MALRD1: variants seen among roughly 807,000 people sequenced by gnomAD.
The protein encoded by MALRD1 is MAM and LDL-receptor class A domain-containing protein 1.
MALRD1 carries 247 observed loss-of-function variants against 242.1 expected under a neutral mutation model. That is an observed-to-expected ratio of 1.02 (90% CI 0.92 to 1.13). The LOEUF is 1.13. Ranked by LOEUF, MALRD1 falls within the 50% of genes most tolerant of loss-of-function variation. The probability of loss-of-function intolerance (pLI) is 0.00; values close to 1 mark genes in which losing one functional copy is unlikely to be tolerated. For missense variants in MALRD1, 2,989 were observed against 2,533.1 expected, an observed-to-expected ratio of 1.18 and a Z score of -3.86; for synonymous variants, 995 against 866.6, an observed-to-expected ratio of 1.15 and a Z score of -2.60.
chr10:19,594,242 T>A (rs1179145905), intron 33 of MALRD1, among the ~76,000 whole-genome samples: 2 of 152,226 alleles, frequency 1.3e-5, no homozygotes, highest in Non-Finnish European at 2.9e-5. Context: ...TAAAAATTTC[T>A]TCTTTAATTT....
rs184666983 is a variant in MALRD1 at position 19,312,450 on chromosome 10, A to G, written c.3420-11499A>G. Reference sequence around the variant, plus strand: ...TGTGAGAGAGAGAGAGAGTTTGTGTATATGTATATGTATAATGGCACAGAG... The same window carrying G: ...TGTGAGAGAGAGAGAGAGTTTGTGTGTATGTATATGTATAATGGCACAGAG... On this transcript the variant is annotated intron_variant, in intron 21 of 39. Transcript: ENST00000454679. Among the ~76,000 whole-genome samples the G allele has an allele frequency of 2.7e-3, 405 of 148,450 alleles. 1 individual carries two copies. Among genetic ancestry groups the G allele is most frequent in the African/African-American group, 9.6e-3 (389 of 40,642 alleles).
chr10:19,504,731 G>A (rs973517500), intron 31 of MALRD1, among the ~76,000 whole-genome samples: 9 of 135,074 alleles, frequency 6.7e-5, no homozygotes, highest in South Asian at 4.7e-4. Flanking sequence ...GCCGGACTGC[G>A]GACTGCAGTG....
At chr10:19,650,239 A>G (rs946014542) in intron 36 of MALRD1, among the ~76,000 whole-genome samples, 2 of 152,214 alleles carry the variant, frequency 1.3e-5, no homozygotes, top group Admixed American at 6.5e-5. Context: ...GTCTACAGTG[A>G]TGAAGCAAAA....
chr10:19,716,467 A>T (rs1201045714), intron 38 of MALRD1, among the ~76,000 whole-genome samples: 2 of 152,120 alleles, frequency 1.3e-5, no homozygotes, highest in Non-Finnish European at 2.9e-5. Flanking sequence ...CTTCCACCTG[A>T]CTGTATATTT....
chr10:19,365,761 C>T (rs1845083982), intron 26 of MALRD1, among the ~76,000 whole-genome samples: 1 of 151,590 alleles, frequency 6.6e-6, no homozygotes, highest in African/African-American at 2.4e-5. Context: ...GATCTTCTCA[C>T]CTTATCCTTT....
chr10:19,547,936 T>A (rs1835312941), intron 32 of MALRD1, among the ~76,000 whole-genome samples: 1 of 143,356 alleles, frequency 7.0e-6, no homozygotes, highest in Admixed American at 7.1e-5. Context: ...GCTTTGTGTT[T>A]CTGTGTCACA....
At chr10:19,329,066 C>T (rs1264443729) in intron 23 of MALRD1, among the ~76,000 whole-genome samples, 1 of 152,132 alleles carries the variant, frequency 6.6e-6, no homozygotes, top group Non-Finnish European at 1.5e-5. Flanking sequence ...ATTAATTTAG[C>T]CATTCTGAAT....
intron 29 of MALRD1, among the ~76,000 whole-genome samples, chr10:19,485,732 C>A (rs1158155705): frequency 1.3e-5 from 2 of 151,788 alleles, no homozygotes; most frequent in African/African-American, 4.8e-5. Flanking sequence ...ATATCAAAAG[C>A]CCTAAAAGAG....
intron 18 of MALRD1, among the ~76,000 whole-genome samples, chr10:19,257,170 GC>G (rs1839551367): frequency 6.6e-6 from 1 of 152,032 alleles, no homozygotes; most frequent in Non-Finnish European, 1.5e-5. Flanking sequence ...ATCACGATTA[GC>G]CAATTTCATA....
chr10:19,387,885 C>G, intron 27 of MALRD1, 112 bp downstream of exon 27: 1 of 1,309,300 alleles, frequency 7.6e-7, no homozygotes, highest in Non-Finnish European at 1.0e-6. Context: ...GATGGTATTG[C>G]AAGGCGATCA....
At chr10:19,599,718 G>T (rs1308561778) in intron 34 of MALRD1, among the ~76,000 whole-genome samples, 2 of 152,252 alleles carry the variant, frequency 1.3e-5, no homozygotes, top group African/African-American at 4.8e-5. Context: ...AGAGTGGGGG[G>T]TTTTATCACC....
chr10:19,156,365 T>C (rs1247020777), intron 12 of MALRD1, among the ~76,000 whole-genome samples: 1 of 151,856 alleles, frequency 6.6e-6, no homozygotes, highest in African/African-American at 2.4e-5. Flanking sequence ...CTGGTCTCCA[T>C]TTCCATTTTA....
chr10:19,387,074 C>T (rs1482665431), intron 26 of MALRD1, among the ~76,000 whole-genome samples: 1 of 152,048 alleles, frequency 6.6e-6, no homozygotes, highest in African/African-American at 2.4e-5. Context: ...TCTTACATAT[C>T]GTGGCTTCTG....
At chr10:19,514,832 C>G (rs2131299119) in intron 31 of MALRD1, among the ~76,000 whole-genome samples, 1 of 152,144 alleles carries the variant, frequency 6.6e-6, no homozygotes, top group African/African-American at 2.4e-5. Flanking sequence ...TAAAGGCAGA[C>G]CAATACTCCA....
intron 18 of MALRD1, among the ~76,000 whole-genome samples, chr10:19,254,604 T>A (rs1839425546): frequency 6.6e-6 from 1 of 152,024 alleles, no homozygotes; most frequent in South Asian, 2.1e-4. Flanking sequence ...TTGCTCCACA[T>A]AGAATATGTG....
chr10:19,066,731 A>C lies in MALRD1; in HGVS notation c.212A>C (p.Glu71Ala). ...TCTTTCTCATTAGGTTTGAATTATGAAAGATGTGATTTTGAGGATGGTCTC... is the reference window on the plus strand; with the variant it reads ...TCTTTCTCATTAGGTTTGAATTATGCAAGATGTGATTTTGAGGATGGTCTC... ...SSDERHCLNY[E>A]RCDFEDGLCH... is the part of the protein sequence containing the mutation. The change falls in exon 2 of 40, where the codon GAA becomes GCA. Residue 71 changes from glutamate (E) to alanine (A), a missense_variant. Transcript: ENST00000454679. The C allele has an allele frequency of 8.1e-7, 1 of 1,233,720 alleles. No individual in the cohort carries two copies. Among genetic ancestry groups the C allele is most frequent in the Non-Finnish European group, 1.0e-6 (1 of 988,010 alleles). The allele number at this position is 1,233,720 out of a possible 1,614,324, so 76.4% of individuals were successfully genotyped here.
intron 10 of MALRD1, among the ~76,000 whole-genome samples, chr10:19,140,543 A>ATGTGTGTGTGTG (rs34024633): frequency 0.09 from 13,250 of 146,938 alleles, 752 homozygotes; most frequent in Admixed American, 0.18. Flanking sequence ...GTGTGTGTGT[A>ATGTGTGTGTGTG]TGTGTGTGTG....
intron 18 of MALRD1, among the ~76,000 whole-genome samples, chr10:19,231,395 A>G (rs1838060690): frequency 6.6e-6 from 1 of 152,204 alleles, no homozygotes; most frequent in African/African-American, 2.4e-5. Context: ...ATCTGGCCTC[A>G]GACAGGTTTT....
chr10:19,682,483 GTT>G (rs1842413891), intron 36 of MALRD1, among the ~76,000 whole-genome samples: 1 of 152,174 alleles, frequency 6.6e-6, no homozygotes, highest in Non-Finnish European at 1.5e-5. Context: ...TCCTCTTCAT[GTT>G]AAGAAAACAG....
Sources: gnomAD v4.1 joint callset for allele counts (sites outside exome capture counted in the v4.1 genomes callset) on GRCh38, gnomAD v4.1.1 for gene constraint, MANE v1.5 for transcripts, NCBI Gene and HGNC (gene_info 2026-07-23, HGNC 2026-07-21) for gene names.